Variants in ZNG1F observed in about 807,000 individuals in gnomAD.
ZNG1F encodes Zn regulated GTPase metalloprotein activator 1F, also known as zinc-regulated GTPase metalloprotein activator 1F.
chr9:41,170,883 CT>C, the ZNG1F span, among the ~76,000 whole-genome samples: 1 of 6,634 alleles, frequency 1.5e-4, no homozygotes, highest in African/African-American at 1.6e-4. Flanking sequence ...TGTTGCTTTG[CT>C]TTTTTGGCCT....
the ZNG1F span, among the ~76,000 whole-genome samples, chr9:41,156,053 G>T: frequency 8.4e-6 from 1 of 118,972 alleles, no homozygotes; most frequent in African/African-American, 3.4e-5. Context: ...AGAGTTATTT[G>T]TGTGAAAACG....
At chr9:41,165,054 A>T in the ZNG1F span, 3 of 1,580,240 alleles carry the variant, frequency 1.9e-6, 1 homozygote, top group Non-Finnish European at 2.6e-6. Context: ...AGTCTGTTTT[A>T]TTAATGAGAA....
At chr9:41,193,468 C>T in the ZNG1F span, among the ~76,000 whole-genome samples, 4 of 116,032 alleles carry the variant, frequency 3.4e-5, no homozygotes, top group East Asian at 1.1e-3. Flanking sequence ...CAAACTAAAA[C>T]TTTAAAAAAC....
At chr9:41,132,078 A>C in the ZNG1F span, 1 of 1,545,736 alleles carries the variant, frequency 6.5e-7, no homozygotes, top group African/African-American at 1.4e-5. Context: ...TTTTACGAAC[A>C]TTGTAACGTG....
chr9:41,152,281 C>A, the ZNG1F span, among the ~76,000 whole-genome samples: 1 of 146,578 alleles, frequency 6.8e-6, no homozygotes, highest in East Asian at 2.0e-4. Context: ...GTAAAGGGAT[C>A]AATTCAACAA....
the ZNG1F span, among the ~76,000 whole-genome samples, chr9:41,139,009 C>G: frequency 8.2e-6 from 1 of 122,330 alleles, no homozygotes; most frequent in Admixed American, 8.6e-5. Context: ...GGATCCATTG[C>G]TGGTGAGCTA....
chr9:41,132,583 T>A, the ZNG1F span: 1 of 1,346,950 alleles, frequency 7.4e-7, no homozygotes, highest in South Asian at 1.6e-5. Context: ...TTTTGAACAA[T>A]CCCCTTTTCT....
chr9:41,158,003 A>AC, the ZNG1F span: 1 of 97,518 alleles, frequency 1.0e-5, no homozygotes, highest in Non-Finnish European at 2.1e-5. Flanking sequence ...TTCACCCCCC[A>AC]CCCCTCCCCC....
the ZNG1F span, chr9:41,132,165 A>G: frequency 1.9e-6 from 3 of 1,571,130 alleles, no homozygotes; most frequent in South Asian, 2.3e-5. Context: ...TAAGTGGCAC[A>G]TGATATCCCT....
At chr9:41,142,681 A>AAAAAAAAAC in the ZNG1F span, among the ~76,000 whole-genome samples, 1 of 81,390 alleles carries the variant, frequency 1.2e-5, no homozygotes, top group Admixed American at 1.7e-4. Context: ...AAAAATACAA[A>AAAAAAAAAC]AATTAGCTAG....
the ZNG1F span, among the ~76,000 whole-genome samples, chr9:41,193,499 T>A: frequency 6.7e-6 from 1 of 149,522 alleles, no homozygotes; most frequent in African/African-American, 2.5e-5. Context: ...ATAGACGAGT[T>A]TTTTTTTTCT....
chr9:41,173,914 T>C, the ZNG1F span, among the ~76,000 whole-genome samples: 2 of 148,310 alleles, frequency 1.3e-5, no homozygotes, highest in South Asian at 2.1e-4. Context: ...AGCTCAACCA[T>C]AAAGATTTTA....
At chr9:41,137,256 G>A in the ZNG1F span, among the ~76,000 whole-genome samples, 3 of 150,202 alleles carry the variant, frequency 2.0e-5, no homozygotes, top group African/African-American at 7.3e-5. Context: ...TCAGGAGCAG[G>A]TTATTCCATG....
At chr9:41,155,221 A>C in the ZNG1F span, among the ~76,000 whole-genome samples, 2 of 151,182 alleles carry the variant, frequency 1.3e-5, no homozygotes, top group African/African-American at 2.4e-5. Flanking sequence ...TCTCAAAAGA[A>C]GACATTTATG....
chr9:41,176,309 TC>T, the ZNG1F span: 1 of 142,770 alleles, frequency 7.0e-6, no homozygotes, highest in East Asian at 2.1e-4. Flanking sequence ...AGAAATACAC[TC>T]CAAAATGGCA....
chr9:41,139,606 C>T, the ZNG1F span, among the ~76,000 whole-genome samples: 1 of 151,198 alleles, frequency 6.6e-6, no homozygotes, highest in Non-Finnish European at 1.5e-5. Context: ...TGCTTTCTTG[C>T]TTGATAAGAG....
At chr9:41,183,907 C>T in the ZNG1F span, among the ~76,000 whole-genome samples, 1 of 147,086 alleles carries the variant, frequency 6.8e-6, no homozygotes, top group East Asian at 2.1e-4. Context: ...ATAAACATAC[C>T]TACTTCCTCC....
the ZNG1F span, among the ~76,000 whole-genome samples, chr9:41,169,790 A>T: frequency 6.7e-6 from 1 of 148,476 alleles, no homozygotes; most frequent in Non-Finnish European, 1.5e-5. Context: ...TTGATAATGT[A>T]ATTCACACAC....
chr9:41,140,375 A>G, the ZNG1F span, among the ~76,000 whole-genome samples: 388 of 9,988 alleles, frequency 0.039, 176 homozygotes, highest in Non-Finnish European at 0.17. Flanking sequence ...CAGCTCCATC[A>G]TAATCTTATG....
Sources: gnomAD v4.1 joint callset for allele counts (sites outside exome capture counted in the v4.1 genomes callset) on GRCh38, gnomAD v4.1.1 for gene constraint, MANE v1.5 for transcripts, NCBI Gene and HGNC (gene_info 2026-07-23, HGNC 2026-07-21) for gene names.